Variants in IFT43 observed in about 807,000 individuals in gnomAD.
The protein encoded by IFT43 is intraflagellar transport protein 43 homolog.
Under a neutral mutation model 32.3 loss-of-function variants are expected in IFT43, and 33 were observed. The observed-to-expected ratio is 1.02, with a 90% CI of 0.77 to 1.37. IFT43 has a LOEUF of 1.37. Ranked by LOEUF, IFT43 falls within the 40% of genes most tolerant of loss-of-function variation. The probability of loss-of-function intolerance (pLI) is 0.00; values close to 1 mark genes in which losing one functional copy is unlikely to be tolerated. For missense variants in IFT43, 274 were observed against 265.9 expected (o/e 1.03, Z -0.21); for synonymous variants, 93 against 98.2 (o/e 0.95, Z 0.31).
At chr14:76,048,586 G>T (rs182562482) in intron 3 of IFT43, among the ~76,000 whole-genome samples, 1 of 152,312 alleles carries the variant, frequency 6.6e-6, no homozygotes, top group African/African-American at 2.4e-5. Context: ...GATGAAACAG[G>T]TTGGGCACAC....
chr14:76,082,863 A>G (rs1227626698), intron 7 of IFT43, among the ~76,000 whole-genome samples, 171 bp downstream of exon 7: 3 of 152,056 alleles, frequency 2.0e-5, no homozygotes, highest in African/African-American at 7.2e-5. Flanking sequence ...TCTCACAGCA[A>G]CCCTGGACCC....
rs114419711 is a variant in IFT43 at position 76,053,650 on chromosome 14, A to G, written c.216-4992A>G. Among the ~76,000 whole-genome samples the G allele has an allele frequency of 5.0e-4, 76 of 152,330 alleles. 1 individual carries two copies. The highest frequency in any genetic ancestry group is 1.7e-3 in the African/African-American group (70 of 41,560). On this transcript the variant is annotated intron_variant, in intron 3 of 8. Transcript: ENST00000314067. The stretch of plus-strand genomic sequence containing the variant: ...CTGCTCCACGAGGCGGAGGTGAGAG[A>G]GAACGTTTACTGTCACTGTCCCAGG...
chr14:76,016,950 A>G (rs574114504), intron 2 of IFT43, among the ~76,000 whole-genome samples: 7 of 152,222 alleles, frequency 4.6e-5, no homozygotes, highest in African/African-American at 1.7e-4. Flanking sequence ...TTTTTGATGC[A>G]ATCTTTAGGT....
At chr14:76,017,185 G>C (rs1187576423) in intron 2 of IFT43, among the ~76,000 whole-genome samples, 1 of 152,062 alleles carries the variant, frequency 6.6e-6, no homozygotes, top group Non-Finnish European at 1.5e-5. Context: ...TGGGTTTGTC[G>C]TATGTGGCCT....
intron 2 of IFT43, chr14:76,013,796 C>T (rs2036130473): frequency 3.4e-6 from 1 of 291,446 alleles, no homozygotes; most frequent in Non-Finnish European, 7.1e-6. Context: ...GCTAATTGTT[C>T]CTGACAACCC....
intron 5 of IFT43, among the ~76,000 whole-genome samples, chr14:76,078,489 C>T (rs1685549612): frequency 6.6e-6 from 1 of 152,122 alleles, no homozygotes; most frequent in Admixed American, 6.5e-5. Flanking sequence ...GGCATGGTAC[C>T]TTTCACATAG....
At chr14:76,059,273 T>C (rs185498654) in intron 4 of IFT43, 54 bp from the exon 5 acceptor site, 3 of 1,613,504 alleles carry the variant, frequency 1.9e-6, no homozygotes, top group African/African-American at 2.7e-5. Context: ...GGGATGTTCC[T>C]TTCCGTGTTT....
chr14:76,034,444 A>G lies in IFT43; in HGVS notation c.215+12050A>G, dbSNP rs572712105. On this transcript the variant is annotated intron_variant, in intron 3 of 8. Coordinates refer to ENST00000314067, the MANE Select transcript of IFT43 (RefSeq NM_001102564.3). ...TCCCATTGGGGATTAGGATTTCAAC[A>G]TAAGAATTTTGGGGAGACACAAATA... Among the ~76,000 whole-genome samples the G allele has an allele frequency of 1.9e-4, 29 of 152,332 alleles. No homozygotes were observed. The South Asian group carries it at 5.6e-3, about 29-fold the overall frequency.
intron 3 of IFT43, among the ~76,000 whole-genome samples, chr14:76,035,676 C>T (rs781436650): frequency 5.9e-5 from 9 of 152,208 alleles, no homozygotes; most frequent in African/African-American, 9.6e-5. Context: ...CCTTTTAAAC[C>T]GGCTCTGTTA....
At chr14:76,052,897 G>A (rs1408568035) in intron 3 of IFT43, among the ~76,000 whole-genome samples, 1 of 152,118 alleles carries the variant, frequency 6.6e-6, no homozygotes, top group Admixed American at 6.5e-5. Flanking sequence ...AGTTGTCCCC[G>A]TCCTGAAAAT....
rs531845116 is a variant in IFT43, at chr14:76,033,109, G to A, written c.215+10715G>A. Among the ~76,000 whole-genome samples, 3 of 152,306 alleles carry A rather than the reference G, an allele frequency of 2.0e-5. No individual in the cohort carries two copies. In the South Asian group the frequency reaches 6.2e-4, roughly 32 times the overall value. ...GATCATTGGATTTGGCTATTTGGAG[G>A]TTACAAGGGGCCTTTGAGAAAGTGG... On this transcript the variant is annotated intron_variant, in intron 3 of 8. Coordinates refer to ENST00000314067, the MANE Select transcript of IFT43 (RefSeq NM_001102564.3).
At chr14:75,999,913 G>A (rs928711903) in intron 2 of IFT43, among the ~76,000 whole-genome samples, 3 of 152,168 alleles carry the variant, frequency 2.0e-5, no homozygotes, top group Admixed American at 6.5e-5. Flanking sequence ...AAAGAATGAC[G>A]TTACCAACTT....
intron 2 of IFT43, among the ~76,000 whole-genome samples, chr14:76,005,737 T>A (rs533496369): frequency 3.9e-5 from 6 of 152,344 alleles, no homozygotes; most frequent in African/African-American, 1.4e-4. Context: ...GCATTCACAC[T>A]CAGATAATCT....
intron 2 of IFT43, among the ~76,000 whole-genome samples, chr14:76,000,680 G>T (rs140631530): frequency 3.3e-5 from 5 of 152,300 alleles, no homozygotes; most frequent in African/African-American, 1.2e-4. Flanking sequence ...TGGCGGAGGG[G>T]TCTAAAGAGG....
chr14:75,988,993 AAAG>A lies in IFT43; in HGVS notation c.147+19_147+21del. On this transcript the variant is annotated intron_variant, in intron 2 of 8. Coordinates refer to ENST00000314067, the MANE Select transcript of IFT43 (RefSeq NM_001102564.3). ...GACTGGAGAGGTGGGTGCTAAAAAA[AAAG>A]AAAATCTGAAGAAATACTGTTTAAG... is the stretch of plus-strand genomic sequence containing the variant. 6.2e-7 allele frequency: 1 copy of A among 1,613,640 alleles called. No homozygotes were observed. The highest frequency in any genetic ancestry group is 2.2e-5 in the East Asian group (1 of 44,884).
At chr14:76,035,301 C>T (rs2036577785) in intron 3 of IFT43, among the ~76,000 whole-genome samples, 1 of 152,218 alleles carries the variant, frequency 6.6e-6, no homozygotes, top group Non-Finnish European at 1.5e-5. Context: ...ACTCTCCTCA[C>T]ATAAATCTCC....
At chr14:75,988,166 A>G (rs2139858283) in intron 1 of IFT43, among the ~76,000 whole-genome samples, 1 of 152,292 alleles carries the variant, frequency 6.6e-6, no homozygotes, top group South Asian at 2.1e-4. Flanking sequence ...TAGCTGTTGA[A>G]AGAAAACCTT....
chr14:75,993,144 G>A (rs762862238), intron 2 of IFT43, among the ~76,000 whole-genome samples: 3 of 152,136 alleles, frequency 2.0e-5, no homozygotes, highest in African/African-American at 4.8e-5. Context: ...TAGAACTTGG[G>A]CATTCTTTTT....
chr14:76,072,423 G>A (rs143767017), intron 5 of IFT43, among the ~76,000 whole-genome samples: 9 of 152,274 alleles, frequency 5.9e-5, no homozygotes, highest in South Asian at 2.1e-4. Flanking sequence ...GCCCTGAAAT[G>A]TCTGGGTCAC....
Sources: allele counts gnomAD v4.1 joint callset (sites outside exome capture counted in the v4.1 genomes callset), GRCh38; gene constraint gnomAD v4.1.1; transcripts MANE v1.5; gene names NCBI Gene and HGNC (gene_info 2026-07-23, HGNC 2026-07-21).